ATP1A3: variants seen among roughly 807,000 people sequenced by gnomAD.
The protein encoded by ATP1A3 is ATPase Na+/K+ transporting subunit alpha 3.
Under a neutral mutation model 108.8 loss-of-function variants are expected in ATP1A3, and 12 were observed. The observed-to-expected ratio is 0.11, with a 90% CI of 0.07 to 0.18. The LOEUF (loss-of-function observed/expected upper bound fraction) is 0.18. ATP1A3 is among the 10% of genes least tolerant of loss of function. ATP1A3 has a pLI of 1.00. For missense variants in ATP1A3, 498 were observed against 1,387.7 expected, an observed-to-expected ratio of 0.36 and a Z score of 10.19; for synonymous variants, 539 against 564.5, an observed-to-expected ratio of 0.95 and a Z score of 0.64.
At chr19:41,991,841 G>A (rs1462895004) in intron 1 of ATP1A3, among the ~76,000 whole-genome samples, 2 of 150,952 alleles carry the variant, frequency 1.3e-5, no homozygotes, top group African/African-American at 4.9e-5. Context: ...GAGGGGCCAG[G>A]GCCTGGACTC....
rs190537579 is a variant in ATP1A3 at position 41,967,177 on chromosome 19, G to A, written c.3013+72C>T. The A allele has an allele frequency of 2.5e-6, 4 of 1,607,938 alleles. No individual in the cohort carries two copies. In the African/African-American group the frequency reaches 5.3e-5, roughly 21 times the overall value. On this transcript the variant is annotated intron_variant, in intron 22 of 22. Coordinates refer to ENST00000648268, the MANE Select transcript of ATP1A3 (RefSeq NM_152296.5). This position sits in a 1 kb window ranked among gnomAD's most constrained non-coding sequence, Gnocchi z 4.2. ...GGCAGAGCCATCCAGCAGGGCGAGG[G>A]GAGCCTGGGACCAGCTGCCTGAGAC...
In ATP1A3 at chr19:41,981,344, C is replaced by T. The variant is rs143464183; in HGVS notation, c.1437+158G>A. Among the ~76,000 whole-genome samples the T allele has an allele frequency of 2.0e-5, 3 of 152,012 alleles. No individual in the cohort carries two copies. Among genetic ancestry groups the T allele is most frequent in the East Asian group, 1.9e-4 (1 of 5,148 alleles). On this transcript the variant is annotated intron_variant, in intron 11 of 22. Transcript: ENST00000648268. The surrounding 1 kb of genome is among the most constrained non-coding windows in gnomAD (Gnocchi z 5.0). ...TCAGCGTCTCACTCCAACAGAGATC[C>T]GGCTCCCACTCTCAAGCTCTCCCTG... is the stretch of plus-strand genomic sequence containing the variant.
In ATP1A3 at chr19:41,982,156, G is replaced by C; in HGVS notation, c.994-50C>G. ...AGTTACAGGGACAAGCCCGGCAGCA[G>C]GGTTGGATGAGCGACACGAGGGCCA... is the stretch of plus-strand genomic sequence containing the variant. On this transcript the variant is annotated intron_variant, in intron 8 of 22. Coordinates refer to ENST00000648268, the MANE Select transcript of ATP1A3 (RefSeq NM_152296.5). The C allele has an allele frequency of 2.5e-6, 4 of 1,613,104 alleles. No individual in the cohort carries two copies. In the South Asian group the frequency reaches 3.3e-5, roughly 13 times the overall value.
chr19:41,982,173 C>T (rs1555863786), intron 8 of ATP1A3, 67 bp from the exon 9 acceptor site: 15 of 1,611,720 alleles, frequency 9.3e-6, no homozygotes, highest in Non-Finnish European at 1.3e-5. Context: ...ATGAGCGACA[C>T]GAGGGCCACA....
intron 8 of ATP1A3, among the ~76,000 whole-genome samples, chr19:41,983,766 ATTTTTTTTT>A (rs556483707): frequency 2.0e-5 from 2 of 101,266 alleles, no homozygotes; most frequent in Non-Finnish European, 3.9e-5. Flanking sequence ...ATTTAAAAAA[ATTTTTTTTT>A]TTTTTTTTTT....
chr19:41,970,085 C>G (rs2075086457), intron 18 of ATP1A3, 100 bp downstream of exon 18: 1 of 1,600,294 alleles, frequency 6.2e-7, no homozygotes, highest in Non-Finnish European at 8.5e-7. Flanking sequence ...CACGTCTGCT[C>G]CCCTGAGTCA....
Position 41,986,227 on chromosome 19 carries a change from C to T in ATP1A3, c.360G>A (p.Leu120=), listed in dbSNP as rs1555865422. 5.0e-6 allele frequency: 8 copies of T among 1,613,720 alleles called. No homozygotes were observed. Residue 120 remains leucine (L), a splice_region_variant and synonymous_variant, in exon 5 of 23, where the codon CTG becomes CTA. Transcript: ENST00000648268. ...GTEDDPSGDN[L]YLGIVLAAVV... is the part of the protein sequence containing the mutation. ...CGGCCGCCAGCACGATGCCCAGGTACAGCTGTGGGGAGATGTGGGGATGTT... is the reference window on the plus strand; with the variant it reads ...CGGCCGCCAGCACGATGCCCAGGTATAGCTGTGGGGAGATGTGGGGATGTT...
At chr19:41,973,446 A>G (rs535952826) in intron 16 of ATP1A3, among the ~76,000 whole-genome samples, 3 of 152,054 alleles carry the variant, frequency 2.0e-5, no homozygotes, top group African/African-American at 7.2e-5. Flanking sequence ...TTGATCTTTG[A>G]GGTCTTAATT....
chr19:41,982,625 CAA>C (rs782309983), intron 8 of ATP1A3, among the ~76,000 whole-genome samples: 3 of 127,270 alleles, frequency 2.4e-5, no homozygotes, highest in African/African-American at 2.9e-5. Flanking sequence ...GACTCCAACT[CAA>C]AAAAAAAAAA....
rs541310486 is a variant in ATP1A3, at chr19:41,985,732, G to C, written c.606+132C>G. ...CCTGGGTCTGAGGGAGGAGGGCCTG[G>C]GGGCCTGGACTCCTGGGTCTGAGGG... On this transcript the variant is annotated intron_variant, in intron 6 of 22. Coordinates refer to ENST00000648268, the MANE Select transcript of ATP1A3 (RefSeq NM_152296.5). This position sits in a 1 kb window ranked among gnomAD's most constrained non-coding sequence, Gnocchi z 8.2. 2,005 of 1,376,430 alleles carry C rather than the reference G, an allele frequency of 1.5e-3. 45 individuals carry two copies. The South Asian group carries it at 0.026, about 18-fold the overall frequency. 85.3% of individuals were successfully genotyped at this position (1,376,430 alleles called of 1,614,324 possible).
intron 4 of ATP1A3, 33 bp downstream of exon 4, chr19:41,987,903 G>C: frequency 6.2e-7 from 1 of 1,608,970 alleles, no homozygotes; most frequent in Non-Finnish European, 8.5e-7. Context: ...TAAATGTGCA[G>C]AGCCTTGCAC....
chr19:41,967,377 C>A lies in ATP1A3; in HGVS notation c.2922-37G>T. 1 of 1,592,200 alleles carries A rather than the reference C, an allele frequency of 6.3e-7. No homozygotes were observed. On this transcript the variant is annotated intron_variant, in intron 21 of 22. Coordinates refer to ENST00000648268, the MANE Select transcript of ATP1A3 (RefSeq NM_152296.5). This position sits in a 1 kb window ranked among gnomAD's most constrained non-coding sequence, Gnocchi z 4.2. ...AGAGCAGGAGGGCTTGAGTGCGGGG[C>A]CCTAACGAGAGGCAGAGTTTCAGGG...
intron 1 of ATP1A3, chr19:41,993,785 G>T: frequency 1.6e-6 from 1 of 617,142 alleles, no homozygotes; most frequent in African/African-American, 1.9e-5. Context: ...ATACGCACAT[G>T]CAACTGTGCA....
In ATP1A3 at chr19:41,966,607, A is replaced by G. The variant is rs1384766083; in HGVS notation, c.*330T>C. 2.1e-6 allele frequency: 3 copies of G among 1,440,422 alleles called. No homozygotes were observed. In the Admixed American group the frequency reaches 6.3e-5, roughly 30 times the overall value. 89.2% of individuals were successfully genotyped at this position (1,440,422 alleles called of 1,614,324 possible). A position where few individuals can be genotyped will look rare whatever the true frequency, so the allele number is the denominator to read the frequency against. On this transcript the variant is annotated 3_prime_UTR_variant, in exon 23 of 23. Coordinates refer to ENST00000648268, the MANE Select transcript of ATP1A3 (RefSeq NM_152296.5). Reference sequence around the variant, plus strand: ...TTCTCTCTCCCCACTGATATATTTGATAATTGTCCAGAACCAGAGATGGCA... The same window carrying G: ...TTCTCTCTCCCCACTGATATATTTGGTAATTGTCCAGAACCAGAGATGGCA...
chr19:41,970,379 A>T lies in ATP1A3; in HGVS notation c.2418+9T>A, dbSNP rs950336124. 6.2e-6 allele frequency: 10 copies of T among 1,614,122 alleles called. No homozygotes were observed. The highest frequency in any genetic ancestry group is 7.6e-6 in the Non-Finnish European group (9 of 1,180,050). The stretch of plus-strand genomic sequence containing the variant: ...CTCCTGGGCCCCAAGGGTGGCTGCC[A>T]GGGCTCACCATGTCAGTGCCCAGAT... On this transcript the variant is annotated intron_variant, in intron 17 of 22. Transcript: ENST00000648268.
At chr19:41,970,786 C>T (rs565346081) in intron 16 of ATP1A3, among the ~76,000 whole-genome samples, 1 of 151,740 alleles carries the variant, frequency 6.6e-6, no homozygotes, top group Non-Finnish European at 1.5e-5. Flanking sequence ...CACCTGCCAC[C>T]ACGCCCGGCT....
intron 14 of ATP1A3, 91 bp from the exon 15 acceptor site, chr19:41,976,657 C>A (rs2075174253): frequency 1.3e-6 from 2 of 1,567,722 alleles, no homozygotes; most frequent in Non-Finnish European, 1.7e-6. Flanking sequence ...GAGGGGCCAG[C>A]CCCACAACCA....
intron 11 of ATP1A3, among the ~76,000 whole-genome samples, chr19:41,980,707 C>T (rs973845506): frequency 3.3e-5 from 5 of 151,936 alleles, no homozygotes; most frequent in African/African-American, 1.2e-4. Flanking sequence ...GTCAGGAGAT[C>T]GAGACCATCC....
chr19:41,989,671 G>A (rs1451181477), intron 1 of ATP1A3, among the ~76,000 whole-genome samples: 3 of 152,068 alleles, frequency 2.0e-5, no homozygotes, highest in African/African-American at 7.2e-5. Context: ...TTTCTCCTCT[G>A]TCTGTCTCCC....
Sources: gnomAD v4.1 joint callset for allele counts (sites outside exome capture counted in the v4.1 genomes callset) on GRCh38, gnomAD v4.1.1 for gene constraint, Gnocchi (gnomAD v3.1) non-coding constraint, MANE v1.5 for transcripts, NCBI Gene and HGNC (gene_info 2026-07-23, HGNC 2026-07-21) for gene names.